Variants in EPHA6 observed in about 807,000 individuals in gnomAD.
The protein encoded by EPHA6 is ephrin type-A receptor 6.
EPHA6 carries 50 observed loss-of-function variants against 112.0 expected under a neutral mutation model. The observed-to-expected ratio is 0.45, with a 90% CI of 0.36 to 0.56. The LOEUF (loss-of-function observed/expected upper bound fraction) is 0.56. Among genes scored for constraint, EPHA6 ranks in the 20% least tolerant of loss-of-function variants. The probability of loss-of-function intolerance (pLI) is 0.00; values close to 1 mark genes in which losing one functional copy is unlikely to be tolerated. For missense variants in EPHA6, 1,280 were observed against 1,417.4 expected, an observed-to-expected ratio of 0.90 and a Z score of 1.56; for synonymous variants, 529 against 490.7, an observed-to-expected ratio of 1.08 and a Z score of -1.03.
At position 97,585,821 on chromosome 3, in the gene EPHA6, T is replaced by G. The variant is rs1403351522; in HGVS notation, c.2387-6791T>G. Among the ~76,000 whole-genome samples the G allele has an allele frequency of 3.0e-3, 451 of 152,100 alleles. 4 individuals carry two copies. Among genetic ancestry groups the G allele is most frequent in the African/African-American group, 0.01 (434 of 41,358 alleles). Reference sequence around the variant, plus strand: ...CAGACTCAGTCCCTGAAAATAATATTGTCATATCAAAAATTATTTGATTTT... The same window carrying G: ...CAGACTCAGTCCCTGAAAATAATATGGTCATATCAAAAATTATTTGATTTT... On this transcript the variant is annotated intron_variant, in intron 11 of 17. Coordinates refer to ENST00000389672, the MANE Select transcript of EPHA6 (RefSeq NM_001080448.3).
intron 3 of EPHA6, among the ~76,000 whole-genome samples, chr3:97,168,527 G>A (rs979385667): frequency 6.6e-6 from 1 of 151,700 alleles, no homozygotes; most frequent in Non-Finnish European, 1.5e-5. Flanking sequence ...GTGTTTCTCT[G>A]TGTGTTTCTC....
chr3:97,474,924 T>A (rs957578757), intron 7 of EPHA6, among the ~76,000 whole-genome samples: 2 of 152,090 alleles, frequency 1.3e-5, no homozygotes, highest in African/African-American at 4.8e-5. Context: ...AAAGGAATTA[T>A]ACAGTAGTCT....
intron 14 of EPHA6, among the ~76,000 whole-genome samples, chr3:97,675,146 C>A (rs1464492502): frequency 6.6e-6 from 1 of 152,130 alleles, no homozygotes; most frequent in East Asian, 1.9e-4. Flanking sequence ...CATCGTTAAA[C>A]AAAACATGCA....
intron 2 of EPHA6, among the ~76,000 whole-genome samples, chr3:96,892,207 A>G (rs993934316): frequency 2.0e-5 from 3 of 151,918 alleles, no homozygotes; most frequent in African/African-American, 7.3e-5. Context: ...GTTATGAAAC[A>G]TTATTTGGTT....
Position 97,666,017 on chromosome 3 carries a change from G to A in EPHA6, c.2784+27935G>A, listed in dbSNP as rs549186681. ...GGTTGCAGTGAGCTGAGATATCGCC[G>A]TTACACTCCAGCTGGGGAGACAGTG... On this transcript the variant is annotated intron_variant, in intron 14 of 17. Transcript: ENST00000389672. Among the ~76,000 whole-genome samples the A allele has an allele frequency of 1.5e-4, 22 of 149,230 alleles. No individual in the cohort carries two copies. The East Asian group carries it at 4.1e-3, about 28-fold the overall frequency.
intron 9 of EPHA6, among the ~76,000 whole-genome samples, chr3:97,483,169 A>G (rs1027270907): frequency 3.8e-4 from 58 of 152,186 alleles, no homozygotes; most frequent in African/African-American, 1.3e-3. Context: ...TTCTTCGGAT[A>G]CTCACAAATG....
rs540529796 is a variant in EPHA6 at position 97,328,219 on chromosome 3, A to G, written c.1607-76931A>G. Among the ~76,000 whole-genome samples, 3 of 151,922 alleles carry G rather than the reference A, an allele frequency of 2.0e-5. No homozygotes were observed. The South Asian group carries it at 6.2e-4, about 32-fold the overall frequency. On this transcript the variant is annotated intron_variant, in intron 5 of 17. Transcript: ENST00000389672. ...TATCATTTCTCTGGGATAAATGCTC[A>G]GAAGGAAATTGTTGGGCCTTATGGA...
chr3:97,322,968 A>G (rs897430066), intron 5 of EPHA6, among the ~76,000 whole-genome samples: 1 of 152,040 alleles, frequency 6.6e-6, no homozygotes, highest in Non-Finnish European at 1.5e-5. Flanking sequence ...AGATGCTTTT[A>G]TGCTAGCATG....
chr3:97,516,715 T>G (rs2092453923), intron 10 of EPHA6, among the ~76,000 whole-genome samples: 1 of 152,174 alleles, frequency 6.6e-6, no homozygotes, highest in Non-Finnish European at 1.5e-5. Flanking sequence ...TTTAAAATAT[T>G]TTTTCTGTTG....
chr3:97,450,106 G>A (rs570415329), intron 7 of EPHA6, among the ~76,000 whole-genome samples: 6 of 152,184 alleles, frequency 3.9e-5, no homozygotes, highest in Admixed American at 6.6e-5. Context: ...TTCTGGTGGA[G>A]ACTATTGACT....
chr3:97,185,253 G>T (rs1413912441), intron 3 of EPHA6, among the ~76,000 whole-genome samples: 1 of 152,106 alleles, frequency 6.6e-6, no homozygotes, highest in Non-Finnish European at 1.5e-5. Flanking sequence ...CACAGCAAAA[G>T]AAACTACCAT....
chr3:97,364,228 GA>G (rs2084577570), intron 5 of EPHA6, among the ~76,000 whole-genome samples: 2 of 151,820 alleles, frequency 1.3e-5, no homozygotes, highest in South Asian at 4.2e-4. Context: ...GAAAAATTAC[GA>G]GGACACAGAG....
intron 11 of EPHA6, among the ~76,000 whole-genome samples, chr3:97,561,492 C>G (rs2107163806): frequency 6.6e-6 from 1 of 152,082 alleles, no homozygotes; most frequent in East Asian, 1.9e-4. Flanking sequence ...GAGAGCAAGG[C>G]CCTCTCTTCA....
At chr3:97,492,269 A>ATG (rs1431024984) in intron 10 of EPHA6, among the ~76,000 whole-genome samples, 2 of 151,984 alleles carry the variant, frequency 1.3e-5, no homozygotes, top group African/African-American at 4.8e-5. Flanking sequence ...TGAGCTGGGC[A>ATG]TGGTGGCTCA....
chr3:97,648,467 T>C (rs1192707629), intron 14 of EPHA6: 1 of 1,301,444 alleles, frequency 7.7e-7, no homozygotes, highest in East Asian at 3.0e-5. Context: ...GAGATTCTCC[T>C]TCACCTAATT....
chr3:97,450,891 C>T (rs1352392819), intron 7 of EPHA6, among the ~76,000 whole-genome samples: 1 of 151,972 alleles, frequency 6.6e-6, no homozygotes, highest in Non-Finnish European at 1.5e-5. Context: ...TAAAGATATA[C>T]AAAGGATATG....
chr3:96,943,559 A>G (rs2107695552), intron 2 of EPHA6, among the ~76,000 whole-genome samples: 1 of 152,378 alleles, frequency 6.6e-6, no homozygotes, highest in South Asian at 2.1e-4. Flanking sequence ...GAAGATGCAC[A>G]TAATGATTAC....
rs554948400 is a variant in EPHA6, at chr3:97,689,373, A to G, written c.2785-30888A>G. 6.6e-5 allele frequency among the ~76,000 whole-genome samples: 10 copies of G among 152,230 alleles called. 1 individual carries two copies. In the South Asian group the frequency reaches 2.1e-3, roughly 32 times the overall value. On this transcript the variant is annotated intron_variant, in intron 14 of 17. Transcript: ENST00000389672. The stretch of plus-strand genomic sequence containing the variant: ...AACATGTGTGTTCAACTCCATCAAA[A>G]TGGATAATGTGCTGGAAAAAAATGT...
At chr3:96,887,992 T>C (rs2037732643) in intron 2 of EPHA6, among the ~76,000 whole-genome samples, 1 of 152,042 alleles carries the variant, frequency 6.6e-6, no homozygotes, top group South Asian at 2.1e-4. Flanking sequence ...TGATGTGGGC[T>C]TGAAAACCTG....
Sources: allele counts gnomAD v4.1 joint callset (sites outside exome capture counted in the v4.1 genomes callset), GRCh38; gene constraint gnomAD v4.1.1; transcripts MANE v1.5; gene names NCBI Gene and HGNC (gene_info 2026-07-23, HGNC 2026-07-21).